The following BCL2A1 variants were observed in gnomAD, a reference collection of about 807,000 sequenced individuals.
The protein encoded by BCL2A1 is bcl-2-related protein A1.
Under a neutral mutation model 14.4 loss-of-function variants are expected in BCL2A1, and 10 were observed. That is an observed-to-expected ratio of 0.69 (90% confidence interval 0.43 to 1.18). The LOEUF is 1.18. Among genes scored for constraint, BCL2A1 ranks in the 50% most tolerant of loss-of-function variants. The pLI is 0.00. For missense variants in BCL2A1, 158 were observed against 205.0 expected (o/e 0.77, Z 1.40); for synonymous variants, 71 against 76.5 (o/e 0.93, Z 0.38).
chr15:79,968,790 T>TGAG (rs1351796033), intron 1 of BCL2A1, among the ~76,000 whole-genome samples: 1 of 152,062 alleles, frequency 6.6e-6, no homozygotes, highest in Non-Finnish European at 1.5e-5. Context: ...ATTAGCTGGG[T>TGAG]GTGGTGGCAC....
At chr15:79,970,453 C>T (rs191817674) in intron 1 of BCL2A1, among the ~76,000 whole-genome samples, 1 of 152,258 alleles carries the variant, frequency 6.6e-6, no homozygotes, top group Non-Finnish European at 1.5e-5. Context: ...CCAAAGCTCA[C>T]TACTGTAATT....
At chr15:79,969,729 A>G (rs947832715) in intron 1 of BCL2A1, among the ~76,000 whole-genome samples, 1 of 152,232 alleles carries the variant, frequency 6.6e-6, no homozygotes, top group Non-Finnish European at 1.5e-5. Flanking sequence ...AAGCATACAT[A>G]TACATTTTAT....
intron 1 of BCL2A1, chr15:79,967,637 C>CTCT: frequency 6.3e-7 from 1 of 1,597,200 alleles, no homozygotes; most frequent in South Asian, 1.1e-5. Flanking sequence ...CTACTCTTAC[C>CTCT]TCTTCTTGTG....
Position 79,970,762 on chromosome 15 carries a change from A to G in BCL2A1, c.358T>C (p.Tyr120His). ...PDVDTYKEISYFVAEFIMNNT... is the reference protein window; with the variant it reads ...PDVDTYKEISHFVAEFIMNNT... ...TTCATTATGAACTCCGCAACAAAAT[A>G]TGAAATCTCCTTATAGGTATCCACA... Residue 120 changes from tyrosine to histidine, a missense_variant, in exon 1 of 2, where the codon TAT becomes CAT. By Grantham distance (83) the Tyr-to-His change is moderately conservative (BLOSUM62 2). Transcript: ENST00000267953. The G allele has an allele frequency of 1.9e-6, 3 of 1,614,202 alleles. No homozygotes were observed. Among genetic ancestry groups the G allele is most frequent in the Non-Finnish European group, 2.5e-6 (3 of 1,180,014 alleles).
chr15:79,963,107 C>T (rs2035506934), intron 1 of BCL2A1, among the ~76,000 whole-genome samples: 1 of 152,172 alleles, frequency 6.6e-6, no homozygotes, highest in South Asian at 2.1e-4. Flanking sequence ...TCTGCCTCAG[C>T]CTCCCAAGTA....
chr15:79,970,772 C>T lies in BCL2A1; in HGVS notation c.348G>A (p.Lys116=), dbSNP rs2035585477. 3 of 1,614,192 alleles carry T rather than the reference C, an allele frequency of 1.9e-6. No individual in the cohort carries two copies. The highest frequency in any genetic ancestry group is 2.5e-6 in the Non-Finnish European group (3 of 1,180,038). ...ACTCCGCAACAAAATATGAAATCTC[C>T]TTATAGGTATCCACATCCGGGGCAA... ...QQIAPDVDTY[K]EISYFVAEFI... The change falls in exon 1 of 2, where the codon AAG becomes AAA. Residue 116 remains lysine (K), a synonymous_variant. Transcript: ENST00000267953.
At chr15:79,963,770 C>G (rs554927545) in intron 1 of BCL2A1, among the ~76,000 whole-genome samples, 1 of 152,160 alleles carries the variant, frequency 6.6e-6, no homozygotes, top group South Asian at 2.1e-4. Context: ...AAAAGCATAC[C>G]CATGCTTCAG....
intron 1 of BCL2A1, among the ~76,000 whole-genome samples, chr15:79,966,933 A>G (rs1219649602): frequency 6.6e-6 from 1 of 152,182 alleles, no homozygotes; most frequent in Non-Finnish European, 1.5e-5. Context: ...TCTTCCCATT[A>G]GGGGATCTGT....
intron 1 of BCL2A1, among the ~76,000 whole-genome samples, chr15:79,968,699 A>G (rs1369950839): frequency 6.6e-6 from 1 of 152,230 alleles, no homozygotes; most frequent in Admixed American, 6.5e-5. Context: ...GGGAGGCCAA[A>G]GGGGGAGGAT....
chr15:79,963,967 A>G lies in BCL2A1; in HGVS notation c.421-2793T>C, dbSNP rs191453980. 2.2e-3 allele frequency among the ~76,000 whole-genome samples: 329 copies of G among 151,910 alleles called. 1 individual carries two copies. The highest frequency in any genetic ancestry group is 7.3e-3 in the African/African-American group (302 of 41,312). ...AAAATATCTACAATATGTCACAGGA[A>G]AAAACTCTTGTGCACCCTAATTATA... On this transcript the variant is annotated intron_variant, in intron 1 of 1. Coordinates refer to ENST00000267953, the MANE Select transcript of BCL2A1 (RefSeq NM_004049.4).
chr15:79,964,187 CTTA>C (rs1373498193), intron 1 of BCL2A1, among the ~76,000 whole-genome samples: 1 of 152,084 alleles, frequency 6.6e-6, no homozygotes, highest in Admixed American at 6.5e-5. Context: ...TAGTTCAGGC[CTTA>C]TTATTTCTGG....
intron 1 of BCL2A1, among the ~76,000 whole-genome samples, chr15:79,969,496 A>T: frequency 6.6e-6 from 1 of 152,342 alleles, no homozygotes; most frequent in South Asian, 2.1e-4. Context: ...ACTCTACAGC[A>T]CTTACATATA....
At position 79,961,012 on chromosome 15, in the gene BCL2A1, T is replaced by G; in HGVS notation, c.*55A>C. ...GTAGAAGTATGTGTTGGCAATCGTT[T>G]CCATATCAGTCAGAAAAATTAGGCC... On this transcript the variant is annotated 3_prime_UTR_variant, in exon 2 of 2. Transcript: ENST00000267953. 1 of 1,606,122 alleles carries G rather than the reference T, an allele frequency of 6.2e-7. No homozygotes were observed. Among genetic ancestry groups the G allele is most frequent in the Non-Finnish European group, 8.5e-7 (1 of 1,173,564 alleles).
At chr15:79,968,802 T>G (rs1304052140) in intron 1 of BCL2A1, among the ~76,000 whole-genome samples, 1 of 152,136 alleles carries the variant, frequency 6.6e-6, no homozygotes, top group Non-Finnish European at 1.5e-5. Flanking sequence ...TGGTGGCACA[T>G]GCCTGTAATC....
At position 79,970,806 on chromosome 15, in the gene BCL2A1, C is replaced by T. The variant is rs138123718; in HGVS notation, c.314G>A (p.Arg105Gln). 2.1e-5 allele frequency: 34 copies of T among 1,614,072 alleles called. No homozygotes were observed. The highest frequency in any genetic ancestry group is 2.1e-4 in the South Asian group (19 of 91,088). ...FEGILIKKLL[R>Q]QQIAPDVDTY... ...ATCCACATCCGGGGCAATTTGCTGTCGTAGAAGTTTCTTGATGAGAATACC... is the reference window on the plus strand; with the variant it reads ...ATCCACATCCGGGGCAATTTGCTGTTGTAGAAGTTTCTTGATGAGAATACC... Residue 105 changes from arginine to glutamine, a missense_variant, in exon 1 of 2, where the codon CGA becomes CAA. Physicochemically the swap from Arg to Gln is conservative, Grantham distance 43. Coordinates refer to ENST00000267953, the MANE Select transcript of BCL2A1 (RefSeq NM_004049.4).
chr15:79,969,216 G>A (rs2035571827), intron 1 of BCL2A1, among the ~76,000 whole-genome samples: 2 of 152,270 alleles, frequency 1.3e-5, no homozygotes, highest in Non-Finnish European at 2.9e-5. Context: ...GCAACCTACT[G>A]TTAGTCAGCT....
intron 1 of BCL2A1, among the ~76,000 whole-genome samples, chr15:79,968,691 G>A (rs2035567114): frequency 6.6e-6 from 1 of 152,228 alleles, no homozygotes; most frequent in Admixed American, 6.5e-5. Flanking sequence ...ATCACTTTGG[G>A]AGGCCAAAGG....
intron 1 of BCL2A1, among the ~76,000 whole-genome samples, chr15:79,964,071 A>G (rs2035515368): frequency 6.6e-6 from 1 of 152,176 alleles, no homozygotes; most frequent in Non-Finnish European, 1.5e-5. Context: ...TTATTTTCAA[A>G]TATATTTTCT....
In BCL2A1 at chr15:79,971,057, T is replaced by G; in HGVS notation, c.63A>C (p.Leu21=). The part of the protein sequence containing the change: ...RLAQDYLQCV[L]QIPQPGSGPS... Reference sequence around the variant, plus strand: ...GACCTGATCCAGGTTGTGGTATCTGTAGGACGCACTGCAGATAGTCCTGAG... The same window carrying G: ...GACCTGATCCAGGTTGTGGTATCTGGAGGACGCACTGCAGATAGTCCTGAG... The change falls in exon 1 of 2, where the codon CTA becomes CTC. Residue 21 remains leucine (L), a synonymous_variant. Coordinates refer to ENST00000267953, the MANE Select transcript of BCL2A1 (RefSeq NM_004049.4). 1 of 1,614,176 alleles carries G rather than the reference T, an allele frequency of 6.2e-7. No homozygotes were observed. The highest frequency in any genetic ancestry group is 8.5e-7 in the Non-Finnish European group (1 of 1,179,984).
Sources: gnomAD v4.1 joint callset for allele counts (sites outside exome capture counted in the v4.1 genomes callset) on GRCh38, gnomAD v4.1.1 for gene constraint, MANE v1.5 for transcripts, NCBI Gene and HGNC (gene_info 2026-07-23, HGNC 2026-07-21) for gene names.